The following ANKS1B variants were observed in gnomAD, a reference collection of about 807,000 sequenced individuals.
ANKS1B encodes the protein ankyrin repeat and sterile alpha motif domain containing 1B.
Under a neutral mutation model 148.3 loss-of-function variants are expected in ANKS1B, and 36 were observed. The observed-to-expected ratio is 0.24, with a 90% confidence interval of 0.19 to 0.32. The LOEUF (loss-of-function observed/expected upper bound fraction) is 0.32, where lower values mean the gene tolerates loss of function less well. Among genes scored for constraint, ANKS1B ranks in the 10% least tolerant of loss-of-function variants. The pLI is 1.00. For synonymous variants in ANKS1B, 542 were observed against 560.8 expected (o/e 0.97, Z 0.47); for missense variants, 1,157 against 1,542.6 (o/e 0.75, Z 4.19).
At chr12:99,391,378 C>A (rs542016795) in intron 12 of ANKS1B, among the ~76,000 whole-genome samples, 1 of 152,126 alleles carries the variant, frequency 6.6e-6, no homozygotes, top group Non-Finnish European at 1.5e-5. Context: ...GCTGTCATTT[C>A]TCTCCTTTCT....
chr12:99,361,998 G>GA (rs34438947), intron 12 of ANKS1B, among the ~76,000 whole-genome samples: 68,631 of 151,750 alleles, frequency 0.45, 17,796 homozygotes, highest in African/African-American at 0.72. Flanking sequence ...TGCCATGTAG[G>GA]AAGATAATTA....
intron 17 of ANKS1B, among the ~76,000 whole-genome samples, chr12:98,995,347 T>G (rs2099928875): frequency 6.6e-6 from 1 of 152,050 alleles, no homozygotes; most frequent in Non-Finnish European, 1.5e-5. Flanking sequence ...TCCCAGCACT[T>G]TGGGAGGCCA....
chr12:99,500,774 T>G (rs563006773), intron 10 of ANKS1B, among the ~76,000 whole-genome samples: 6 of 152,228 alleles, frequency 3.9e-5, no homozygotes, highest in Non-Finnish European at 8.8e-5. Context: ...CTCTTCGAGC[T>G]CAAGGGTAAT....
intron 11 of ANKS1B, among the ~76,000 whole-genome samples, chr12:99,431,214 G>A (rs1203551699): frequency 6.6e-6 from 1 of 152,136 alleles, no homozygotes; most frequent in African/African-American, 2.4e-5. Flanking sequence ...ATAATCTAAA[G>A]ATACTTATTT....
chr12:98,875,335 T>G (rs572931750), intron 17 of ANKS1B, among the ~76,000 whole-genome samples: 1 of 152,290 alleles, frequency 6.6e-6, no homozygotes, highest in Admixed American at 6.5e-5. Flanking sequence ...TCTCCCTGTT[T>G]AAAAACCTCC....
At chr12:99,484,764 G>GTTTTTTTT (rs565634931) in intron 10 of ANKS1B, among the ~76,000 whole-genome samples, 4 of 63,750 alleles carry the variant, frequency 6.3e-5, no homozygotes, top group African/African-American at 2.3e-4. Flanking sequence ...GTGTGTGTGT[G>GTTTTTTTT]TTTTTTTTTT....
At chr12:99,747,156 T>C (rs1228145057) in intron 8 of ANKS1B, among the ~76,000 whole-genome samples, 1 of 152,074 alleles carries the variant, frequency 6.6e-6, no homozygotes, top group Non-Finnish European at 1.5e-5. Context: ...TCAAATCTCT[T>C]GCCCTAAAAG....
chr12:99,369,028 AC>A (rs1241580010), intron 12 of ANKS1B, among the ~76,000 whole-genome samples: 5 of 152,192 alleles, frequency 3.3e-5, no homozygotes, highest in Non-Finnish European at 7.4e-5. Context: ...ACTGGGGAAT[AC>A]CTGATGTCAT....
At chr12:99,480,328 C>A (rs936921453) in intron 10 of ANKS1B, among the ~76,000 whole-genome samples, 2 of 151,734 alleles carry the variant, frequency 1.3e-5, no homozygotes, top group African/African-American at 2.4e-5. Flanking sequence ...ATTGCCATTT[C>A]TTTACTTACT....
intron 17 of ANKS1B, among the ~76,000 whole-genome samples, chr12:98,835,122 A>ATTATTG (rs1290982049): frequency 5.5e-4 from 82 of 148,734 alleles, no homozygotes; most frequent in African/African-American, 2.1e-3. Context: ...TATTATTATT[A>ATTATTG]TTATTTACAA....
chr12:99,882,333 T>A (rs2092565349), intron 1 of ANKS1B, among the ~76,000 whole-genome samples: 1 of 151,292 alleles, frequency 6.6e-6, no homozygotes, highest in Non-Finnish European at 1.5e-5. Context: ...GAAGAGAGAG[T>A]ATAGTACAAA....
At chr12:99,391,103 G>A (rs1420744820) in intron 12 of ANKS1B, among the ~76,000 whole-genome samples, 1 of 151,918 alleles carries the variant, frequency 6.6e-6, no homozygotes, top group East Asian at 1.9e-4. Context: ...CATTCGTTAG[G>A]AGTTTGAACA....
intron 9 of ANKS1B, among the ~76,000 whole-genome samples, chr12:99,612,234 G>C (rs2153347246): frequency 6.6e-6 from 1 of 152,190 alleles, no homozygotes; most frequent in Non-Finnish European, 1.5e-5. Flanking sequence ...TCTGAAAGAA[G>C]ATAAAAGATT....
At chr12:98,791,615 A>G (rs1321461881) in intron 22 of ANKS1B, among the ~76,000 whole-genome samples, 1 of 152,206 alleles carries the variant, frequency 6.6e-6, no homozygotes, top group Non-Finnish European at 1.5e-5. Context: ...GGCTGTTCAC[A>G]GGTGTGATCA....
At chr12:99,977,309 A>ATTTTG (rs1206075123) in intron 1 of ANKS1B, among the ~76,000 whole-genome samples, 3 of 151,942 alleles carry the variant, frequency 2.0e-5, no homozygotes, top group East Asian at 1.9e-4. Flanking sequence ...ACACCTGGCC[A>ATTTTG]TTTTGTTTTG....
At chr12:99,339,626 A>C (rs1490152352) in intron 12 of ANKS1B, among the ~76,000 whole-genome samples, 1 of 152,094 alleles carries the variant, frequency 6.6e-6, no homozygotes, top group Non-Finnish European at 1.5e-5. Context: ...TATTTCTTCA[A>C]GCTTTTAGAA....
chr12:99,634,869 G>A (rs79660703), intron 9 of ANKS1B, among the ~76,000 whole-genome samples: 2,046 of 152,112 alleles, frequency 0.013, 44 homozygotes, highest in African/African-American at 0.047. Context: ...CTTAAATCAC[G>A]TATATAAAGT....
intron 16 of ANKS1B, among the ~76,000 whole-genome samples, chr12:99,064,442 G>A (rs2043411261): frequency 1.4e-5 from 2 of 147,708 alleles, no homozygotes. Context: ...AGAAGCACTA[G>A]ACTGGCCCTG....
At chr12:98,879,914 C>T (rs2152494196) in intron 17 of ANKS1B, among the ~76,000 whole-genome samples, 1 of 152,224 alleles carries the variant, frequency 6.6e-6, no homozygotes, top group Non-Finnish European at 1.5e-5. Context: ...TTACCCTCAC[C>T]ATCAGCCAAG....
Sources: allele counts gnomAD v4.1 joint callset (sites outside exome capture counted in the v4.1 genomes callset), GRCh38; gene constraint gnomAD v4.1.1; transcripts MANE v1.5; gene names NCBI Gene and HGNC (gene_info 2026-07-23, HGNC 2026-07-21).